RRAGB: variants seen among roughly 807,000 people sequenced by gnomAD.
The protein encoded by RRAGB is Ras related GTP binding B.
In RRAGB, 6 loss-of-function variants were observed where a neutral mutation model predicts 29.3. The observed-to-expected ratio is 0.21, with a 90% CI of 0.11 to 0.40. The LOEUF is 0.40. RRAGB is among the 10% of genes least tolerant of loss of function. RRAGB has a pLI of 1.00. For missense variants in RRAGB, 184 were observed against 272.9 expected (o/e 0.67, Z 2.29); for synonymous variants, 101 against 92.5 (o/e 1.09, Z -0.53).
intron 5 of RRAGB, among the ~76,000 whole-genome samples, chrX:55,740,702 C>T (rs1289140560): frequency 9.0e-6 from 1 of 111,589 alleles, no homozygotes. Flanking sequence ...GAATTGGGCC[C>T]TTTCTGTGAC....
chrX:55,739,673 A>C (rs2147099556), intron 5 of RRAGB, among the ~76,000 whole-genome samples: 1 of 110,888 alleles, frequency 9.0e-6, no homozygotes, highest in Admixed American at 9.5e-5. Context: ...CTTCTTTCAA[A>C]GTGTCTGAAG....
intron 5 of RRAGB, among the ~76,000 whole-genome samples, chrX:55,742,796 TA>T (rs937388220): frequency 9.0e-6 from 1 of 111,655 alleles, no homozygotes; most frequent in Non-Finnish European, 1.9e-5. Flanking sequence ...ACTATAAAAT[TA>T]AAAGCACCAT....
intron 5 of RRAGB, among the ~76,000 whole-genome samples, chrX:55,732,406 T>G (rs758251495): frequency 8.9e-6 from 1 of 111,900 alleles, no homozygotes; most frequent in Non-Finnish European, 1.9e-5. Flanking sequence ...GGTATAAAAC[T>G]AAGGAAAGCA....
At chrX:55,732,559 T>C (rs2033720694) in intron 5 of RRAGB, among the ~76,000 whole-genome samples, 1 of 111,823 alleles carries the variant, frequency 8.9e-6, no homozygotes, top group Non-Finnish European at 1.9e-5. Context: ...GTTACAGGAT[T>C]GCCTCCACTG....
chrX:55,733,772 A>G (rs952006130), intron 5 of RRAGB, among the ~76,000 whole-genome samples: 3 of 110,714 alleles, frequency 2.7e-5, no homozygotes, highest in African/African-American at 9.9e-5. Flanking sequence ...TTCTTTTTTT[A>G]TGTCCTTTCG....
At chrX:55,736,322 T>G (rs1489055640) in intron 5 of RRAGB, among the ~76,000 whole-genome samples, 1 of 112,465 alleles carries the variant, frequency 8.9e-6, no homozygotes, top group Non-Finnish European at 1.9e-5. Flanking sequence ...TTTAAAATTT[T>G]TATCTGATTG....
At chrX:55,756,695 A>C (rs1268118321) in intron 8 of RRAGB, among the ~76,000 whole-genome samples, 1 of 112,788 alleles carries the variant, frequency 8.9e-6, no homozygotes, top group Non-Finnish European at 1.9e-5. Flanking sequence ...ATGATAAGGA[A>C]ATTTCAACTT....
chrX:55,757,211 T>G lies in RRAGB; in HGVS notation c.828-5T>G. 9.0e-7 allele frequency: 1 copy of G among 1,105,267 alleles called. No homozygotes were observed. Among genetic ancestry groups the G allele is most frequent in the Non-Finnish European group, 1.2e-6 (1 of 804,300 alleles). 91.1% of individuals were successfully genotyped at this position (1,105,267 alleles called of 1,213,427 possible). A position where few individuals can be genotyped will look rare whatever the true frequency, so the allele number is the denominator to read the frequency against. On this transcript the variant is annotated splice_region_variant and splice_polypyrimidine_tract_variant and intron_variant, in intron 8 of 9. Coordinates refer to ENST00000374941, the MANE Select transcript of RRAGB (RefSeq NM_006064.5). ...CTTTAACCTCTCTTCTTCATTTTCCTATAGCAAGCTGGCTGCCTCTTTCCA... is the reference window on the plus strand; with the variant it reads ...CTTTAACCTCTCTTCTTCATTTTCCGATAGCAAGCTGGCTGCCTCTTTCCA...
Position 55,749,166 on chromosome X carries a change from G to A in RRAGB, c.517-1935G>A, listed in dbSNP as rs1302157085. Among the ~76,000 whole-genome samples, 9 of 82,613 alleles carry A rather than the reference G, an allele frequency of 1.1e-4. 1 individual carries two copies. The highest frequency in any genetic ancestry group is 3.9e-4 in the Admixed American group (3 of 7,649). 71.7% of individuals were successfully genotyped at this position (82,613 alleles called of 115,157 possible). ...GAGGAGTCCCTCTGCCCGGCCAGCC[G>A]CCCCGTCCGGGAGGGAAGTGGGGGG... On this transcript the variant is annotated intron_variant, in intron 5 of 9. Transcript: ENST00000374941.
Position 55,753,452 on chromosome X carries a change from A to C in RRAGB, c.673A>C (p.Arg225=). 1 of 1,204,078 alleles carries C rather than the reference A, an allele frequency of 8.3e-7. No homozygotes were observed. The highest frequency in any genetic ancestry group is 1.1e-6 in the Non-Finnish European group (1 of 889,214). Residue 225 remains arginine, a synonymous_variant, in exon 7 of 10, where the codon AGG becomes CGG. Transcript: ENST00000374941. ...TGTTCAGCAGCTGGAAATGAACCTAAGGAATTTTGCTGAAATTATCGAAGC... is the reference window on the plus strand; with the variant it reads ...TGTTCAGCAGCTGGAAATGAACCTACGGAATTTTGCTGAAATTATCGAAGC... ...PNVQQLEMNL[R]NFAEIIEADE... is the part of the protein sequence containing the mutation.
chrX:55,727,640 T>G (rs909232253), intron 3 of RRAGB, among the ~76,000 whole-genome samples: 13 of 111,887 alleles, frequency 1.2e-4, no homozygotes, highest in African/African-American at 3.2e-4. Flanking sequence ...TGAAGATTTG[T>G]TCGATTCCAA....
chrX:55,747,967 G>A (rs184017095), intron 5 of RRAGB, among the ~76,000 whole-genome samples: 1 of 111,818 alleles, frequency 8.9e-6, no homozygotes, highest in Non-Finnish European at 1.9e-5. Context: ...CAACCTCCCT[G>A]CCTGATTCTC....
intron 3 of RRAGB, among the ~76,000 whole-genome samples, chrX:55,723,796 G>A (rs2033379638): frequency 9.0e-6 from 1 of 111,597 alleles, no homozygotes; most frequent in African/African-American, 3.3e-5. Context: ...GACCTCAGGT[G>A]ATCCGCCTGC....
At chrX:55,738,990 C>T (rs895724202) in intron 5 of RRAGB, among the ~76,000 whole-genome samples, 2 of 112,157 alleles carry the variant, frequency 1.8e-5, no homozygotes, top group African/African-American at 6.5e-5. Context: ...CAGGGAGAAG[C>T]ACAACTGACT....
Position 55,731,382 on chromosome X carries a change from A to G in RRAGB, c.312A>G (p.Glu104=). 2.5e-6 allele frequency: 3 copies of G among 1,208,330 alleles called. No individual in the cohort carries two copies. In the South Asian group the frequency reaches 5.3e-5, roughly 21 times the overall value. Reference sequence around the variant, plus strand: ...CTATCAGGCAAGACACCTTCATGGAAAATTATTTCACTAGCCAACGGGACA... The same window carrying G: ...CTATCAGGCAAGACACCTTCATGGAGAATTATTTCACTAGCCAACGGGACA... The part of the protein sequence containing the change: ...WDCGGQDTFM[E]NYFTSQRDNI... Residue 104 remains glutamate, a synonymous_variant, in exon 5 of 10, where the codon GAA becomes GAG. Coordinates refer to ENST00000374941, the MANE Select transcript of RRAGB (RefSeq NM_006064.5).
chrX:55,728,652 G>A (rs193017491), intron 3 of RRAGB, among the ~76,000 whole-genome samples: 4 of 111,563 alleles, frequency 3.6e-5, no homozygotes, highest in East Asian at 2.8e-4. Context: ...GTAGCCTGTC[G>A]GATGAAGTAA....
chrX:55,757,483 G>A, intron 9 of RRAGB, 152 bp downstream of exon 9: 1 of 310,946 alleles, frequency 3.2e-6, no homozygotes, highest in African/African-American at 2.6e-5. Context: ...TGAACTGTAT[G>A]CTTAAAAATA....
intron 3 of RRAGB, among the ~76,000 whole-genome samples, chrX:55,724,719 A>C (rs765697707): frequency 8.9e-6 from 1 of 111,939 alleles, no homozygotes; most frequent in East Asian, 2.8e-4. Flanking sequence ...TGGTTATTGA[A>C]CAACTGTTAT....
chrX:55,720,398 C>G (rs2072388827), intron 2 of RRAGB, among the ~76,000 whole-genome samples: 1 of 112,082 alleles, frequency 8.9e-6, no homozygotes, highest in Admixed American at 9.4e-5. Flanking sequence ...GTGGCATTTC[C>G]TTAGTGAGAT....
Sources: gnomAD v4.1 joint callset for allele counts (sites outside exome capture counted in the v4.1 genomes callset) on GRCh38, gnomAD v4.1.1 for gene constraint, MANE v1.5 for transcripts, NCBI Gene and HGNC (gene_info 2026-07-23, HGNC 2026-07-21) for gene names.